Variants in CAMSAP2 observed in about 807,000 individuals in gnomAD.
CAMSAP2 encodes the protein calmodulin-regulated spectrin-associated protein 2.
A neutral mutation model predicts 146.1 loss-of-function variants in CAMSAP2; 26 were observed. The observed-to-expected ratio is 0.18, with a 90% confidence interval of 0.13 to 0.25. CAMSAP2 has a LOEUF of 0.25. Ranked by LOEUF, CAMSAP2 falls within the 10% of genes least tolerant of loss-of-function variation. The pLI is 1.00. For synonymous variants in CAMSAP2, 499 were observed against 596.6 expected, an observed-to-expected ratio of 0.84 and a Z score of 2.38; for missense variants, 1,381 against 1,759.3, an observed-to-expected ratio of 0.78 and a Z score of 3.85.
intron 4 of CAMSAP2, chr1:200,828,698 TTC>T (rs1666966640): frequency 8.4e-7 from 1 of 1,186,308 alleles, no homozygotes. Flanking sequence ...TTTCATGTAA[TTC>T]TGTTAGTCAT....
At chr1:200,811,665 A>G (rs1023396733) in intron 3 of CAMSAP2, among the ~76,000 whole-genome samples, 1 of 152,216 alleles carries the variant, frequency 6.6e-6, no homozygotes, top group Non-Finnish European at 1.5e-5. Context: ...AGTGTGATGC[A>G]TGCTATTCCA....
At chr1:200,772,454 C>G (rs1164878163) in intron 2 of CAMSAP2, among the ~76,000 whole-genome samples, 1 of 151,954 alleles carries the variant, frequency 6.6e-6, no homozygotes, top group African/African-American at 2.4e-5. Context: ...ACTAAACATA[C>G]AAAAACTAGC....
Position 200,739,228 on chromosome 1 carries a change from C to T in CAMSAP2, c.-600C>T, listed in dbSNP as rs539876978. On this transcript the variant is annotated 5_prime_UTR_variant, in exon 1 of 17. Coordinates refer to ENST00000358823, the MANE Select transcript of CAMSAP2 (RefSeq NM_203459.4). This position sits in a 1 kb window ranked among gnomAD's most constrained non-coding sequence, Gnocchi z 4.8. ...TTTGACGTTTTCCGCTGCTGCGTCT[C>T]CGGCGGGCAGGGGCCGGGCTGCGCT... Among the ~76,000 whole-genome samples the T allele has an allele frequency of 6.6e-6, 1 of 152,078 alleles. No individual in the cohort carries two copies. The highest frequency in any genetic ancestry group is 6.5e-5 in the Admixed American group (1 of 15,300).
chr1:200,781,782 G>A (rs961787223), intron 2 of CAMSAP2, among the ~76,000 whole-genome samples: 2 of 151,970 alleles, frequency 1.3e-5, no homozygotes, highest in African/African-American at 4.8e-5. Flanking sequence ...GGGCTCAAGC[G>A]ATCCTCCTGC....
At chr1:200,766,935 C>G (rs548433459) in intron 2 of CAMSAP2, among the ~76,000 whole-genome samples, 1 of 152,238 alleles carries the variant, frequency 6.6e-6, no homozygotes, top group East Asian at 1.9e-4. Flanking sequence ...ATTCCATGTA[C>G]CTTAGGAGTA....
chr1:200,795,307 G>A (rs1665857149), intron 2 of CAMSAP2, among the ~76,000 whole-genome samples: 2 of 152,136 alleles, frequency 1.3e-5, no homozygotes, highest in African/African-American at 4.8e-5. Flanking sequence ...TAGCTGTGAG[G>A]GACTGTGAAA....
At chr1:200,794,297 C>T (rs1480125776) in intron 2 of CAMSAP2, among the ~76,000 whole-genome samples, 1 of 152,180 alleles carries the variant, frequency 6.6e-6, no homozygotes, top group Non-Finnish European at 1.5e-5. Context: ...ACAGTTTTTT[C>T]AGTAAGTACA....
intron 1 of CAMSAP2, among the ~76,000 whole-genome samples, chr1:200,750,718 G>A (rs2102991253): frequency 6.6e-6 from 1 of 151,508 alleles, no homozygotes; most frequent in East Asian, 1.9e-4. Flanking sequence ...TCTGCCTCCC[G>A]GGTTCAAGTG....
chr1:200,766,143 T>C (rs71635510), intron 2 of CAMSAP2, among the ~76,000 whole-genome samples: 12 of 130,918 alleles, frequency 9.2e-5, no homozygotes, highest in Admixed American at 1.5e-4. Flanking sequence ...CAAGTAGCTC[T>C]TTTTTTTTTT....
At chr1:200,815,729 T>C in intron 4 of CAMSAP2, 85 bp downstream of exon 4, 1 of 654,822 alleles carries the variant, frequency 1.5e-6, no homozygotes, top group Non-Finnish European at 2.4e-6. Context: ...ATGTTAATTG[T>C]GTTTATTAAA....
chr1:200,788,108 T>C (rs1400615230), intron 2 of CAMSAP2, among the ~76,000 whole-genome samples: 3 of 152,138 alleles, frequency 2.0e-5, no homozygotes, highest in African/African-American at 7.2e-5. Context: ...ATCCAAGGAG[T>C]GCCTGTAGTT....
At chr1:200,820,822 A>G (rs1285245242) in intron 4 of CAMSAP2, among the ~76,000 whole-genome samples, 3 of 152,220 alleles carry the variant, frequency 2.0e-5, no homozygotes, top group African/African-American at 7.2e-5. Flanking sequence ...CCATTTTCCA[A>G]ACATTTTTGA....
intron 2 of CAMSAP2, among the ~76,000 whole-genome samples, chr1:200,790,860 T>C (rs753843512): frequency 3.3e-5 from 5 of 152,174 alleles, no homozygotes; most frequent in Non-Finnish European, 7.4e-5. Flanking sequence ...CCTTTTTTTT[T>C]TGAGACGGAG....
rs146701959 is a variant in CAMSAP2, at chr1:200,856,057, G to A, written c.3944G>A (p.Arg1315Gln). The change falls in exon 15 of 17, where the codon CGA becomes CAA. Residue 1315 changes from arginine (R) to glutamine (Q), a missense_variant. Physicochemically the swap from Arg to Gln is conservative, Grantham distance 43. Transcript: ENST00000358823. The part of the protein sequence containing the change: ...GFLSPSRCGS[R>Q]NGEKDWENAS... Reference sequence around the variant, plus strand: ...TTATCTCCAAGTCGTTGTGGCAGTCGAAATGGAGAAAAAGACTGGGAGAAT... The same window carrying A: ...TTATCTCCAAGTCGTTGTGGCAGTCAAAATGGAGAAAAAGACTGGGAGAAT... 12 of 1,613,844 alleles carry A rather than the reference G, an allele frequency of 7.4e-6. No individual in the cohort carries two copies. The highest frequency in any genetic ancestry group is 2.7e-5 in the African/African-American group (2 of 74,886).
intron 13 of CAMSAP2, among the ~76,000 whole-genome samples, chr1:200,854,033 C>T (rs1481981932): frequency 1.3e-5 from 2 of 152,242 alleles, no homozygotes; most frequent in Non-Finnish European, 2.9e-5. Context: ...GGCTAGAGTG[C>T]AGTGGTGTGA....
At chr1:200,808,779 T>G (rs1666247729) in intron 3 of CAMSAP2, among the ~76,000 whole-genome samples, 2 of 152,218 alleles carry the variant, frequency 1.3e-5, no homozygotes, top group Non-Finnish European at 2.9e-5. Context: ...TTGAACCTCA[T>G]TATGACTTAT....
At chr1:200,761,160 A>T (rs1664790259) in intron 2 of CAMSAP2, 62 bp downstream of exon 2, 1 of 1,444,024 alleles carries the variant, frequency 6.9e-7, no homozygotes, top group South Asian at 1.2e-5. Context: ...AGTGTGAATG[A>T]TATACTGTAA....
At chr1:200,811,969 G>A (rs1477124633) in intron 3 of CAMSAP2, among the ~76,000 whole-genome samples, 1 of 152,014 alleles carries the variant, frequency 6.6e-6, no homozygotes, top group Non-Finnish European at 1.5e-5. Flanking sequence ...CCAGCTTTCT[G>A]CATGGCTTAG....
chr1:200,806,765 G>GTGTATC (rs1396000266), intron 2 of CAMSAP2, among the ~76,000 whole-genome samples: 3,526 of 140,112 alleles, frequency 0.025, 73 homozygotes, highest in South Asian at 0.044. Flanking sequence ...GTGTGTGTGT[G>GTGTATC]TATCTATCTA....
Sources: allele counts gnomAD v4.1 joint callset (sites outside exome capture counted in the v4.1 genomes callset), GRCh38; gene constraint gnomAD v4.1.1; non-coding constraint Gnocchi (gnomAD v3.1); transcripts MANE v1.5; gene names NCBI Gene and HGNC (gene_info 2026-07-23, HGNC 2026-07-21).